The following DSCAM variants were observed in gnomAD, a reference collection of about 807,000 sequenced individuals.
DSCAM encodes DS cell adhesion molecule, also known as cell adhesion molecule DSCAM.
In DSCAM, 47 loss-of-function variants were observed where a neutral mutation model predicts 217.7. That is an observed-to-expected ratio of 0.22 (90% CI 0.17 to 0.28). The LOEUF is 0.28. Ranked by LOEUF, DSCAM falls within the 10% of genes least tolerant of loss-of-function variation. The pLI, the probability that DSCAM is intolerant of heterozygous loss-of-function variation, is 1.00. For synonymous variants in DSCAM, 1,056 were observed against 1,015.3 expected (o/e 1.04, Z -0.76); for missense variants, 2,080 against 2,618.3 (o/e 0.79, Z 4.49).
At chr21:40,450,572 T>C (rs529685578) in intron 3 of DSCAM, among the ~76,000 whole-genome samples, 4 of 152,240 alleles carry the variant, frequency 2.6e-5, no homozygotes, top group Non-Finnish European at 4.4e-5. Flanking sequence ...ATTTGATGAA[T>C]TGCCCATATT....
At chr21:40,201,693 G>A (rs564883958) in intron 11 of DSCAM, among the ~76,000 whole-genome samples, 2 of 152,162 alleles carry the variant, frequency 1.3e-5, no homozygotes, top group Admixed American at 1.3e-4. Flanking sequence ...CGCCTGCTTC[G>A]GCCTCCCAAA....
chr21:40,092,471 G>A (rs773525826), intron 21 of DSCAM, among the ~76,000 whole-genome samples: 13 of 152,144 alleles, frequency 8.5e-5, no homozygotes, highest in Non-Finnish European at 1.2e-4. Context: ...TAAATGACTG[G>A]AGGACATTGA....
At chr21:40,444,581 G>A (rs1369522838) in intron 3 of DSCAM, among the ~76,000 whole-genome samples, 1 of 152,196 alleles carries the variant, frequency 6.6e-6, no homozygotes, top group Non-Finnish European at 1.5e-5. Context: ...CATTATTGCA[G>A]TAATGGCTGA....
intron 20 of DSCAM, among the ~76,000 whole-genome samples, chr21:40,095,469 C>A (rs943263350): frequency 6.6e-6 from 1 of 152,134 alleles, no homozygotes; most frequent in African/African-American, 2.4e-5. Flanking sequence ...ATTTGTGATT[C>A]TCTTCATTTA....
intron 32 of DSCAM, among the ~76,000 whole-genome samples, chr21:40,040,352 T>C (rs1568906566): frequency 1.3e-5 from 2 of 152,138 alleles, no homozygotes; most frequent in African/African-American, 4.8e-5. Flanking sequence ...TAAGAAACAA[T>C]CCAACAATAT....
At chr21:40,138,293 CTGTGTGCGTGG>C (rs974467655) in intron 18 of DSCAM, among the ~76,000 whole-genome samples, 8 of 140,186 alleles carry the variant, frequency 5.7e-5, no homozygotes, top group African/African-American at 2.1e-4. Flanking sequence ...GTGTGTGTAC[CTGTGTGCGTGG>C]TGTGTGTGTA....
chr21:40,547,571 A>C (rs992735133), intron 3 of DSCAM, among the ~76,000 whole-genome samples: 2 of 152,142 alleles, frequency 1.3e-5, no homozygotes, highest in Admixed American at 6.5e-5. Context: ...ACAGAACGCA[A>C]AGTAGGTTTT....
chr21:40,225,453 T>C (rs2091323687), intron 11 of DSCAM, among the ~76,000 whole-genome samples: 1 of 152,232 alleles, frequency 6.6e-6, no homozygotes, highest in South Asian at 2.1e-4. Flanking sequence ...CAATTTGTAA[T>C]TTTCCCACCT....
chr21:40,506,445 A>G (rs1371139182), intron 3 of DSCAM, among the ~76,000 whole-genome samples: 1 of 152,208 alleles, frequency 6.6e-6, no homozygotes, highest in Non-Finnish European at 1.5e-5. Context: ...TGTTTTTACC[A>G]CTTATTTGCT....
At chr21:40,803,854 G>A (rs2091763502) in intron 1 of DSCAM, among the ~76,000 whole-genome samples, 1 of 152,022 alleles carries the variant, frequency 6.6e-6, no homozygotes, top group Non-Finnish European at 1.5e-5. Flanking sequence ...GAAGATTTGT[G>A]TCACAATAAA....
At chr21:40,482,936 G>A (rs576310630) in intron 3 of DSCAM, among the ~76,000 whole-genome samples, 2 of 152,164 alleles carry the variant, frequency 1.3e-5, no homozygotes, top group Non-Finnish European at 1.5e-5. Flanking sequence ...CACACAGCCC[G>A]CCTAATTGTG....
chr21:40,565,399 T>C (rs2076757056), intron 3 of DSCAM, among the ~76,000 whole-genome samples: 1 of 152,176 alleles, frequency 6.6e-6, no homozygotes, highest in Non-Finnish European at 1.5e-5. Flanking sequence ...CTCTAGCCTA[T>C]CCACAGCTTC....
At chr21:40,230,043 G>A (rs1044497460) in intron 11 of DSCAM, among the ~76,000 whole-genome samples, 3 of 152,192 alleles carry the variant, frequency 2.0e-5, no homozygotes, top group Non-Finnish European at 4.4e-5. Flanking sequence ...TAGATGCACA[G>A]TACTATTTCA....
intron 15 of DSCAM, among the ~76,000 whole-genome samples, chr21:40,168,363 G>A (rs2090619975): frequency 6.6e-6 from 1 of 152,036 alleles, no homozygotes; most frequent in Non-Finnish European, 1.5e-5. Flanking sequence ...ACTAAGAGAT[G>A]TAAAACATTT....
chr21:40,378,798 T>C (rs1486168014), intron 3 of DSCAM, among the ~76,000 whole-genome samples: 1 of 139,054 alleles, frequency 7.2e-6, no homozygotes, highest in South Asian at 2.4e-4. Flanking sequence ...TTTCACCGTG[T>C]TAGCCAGGAT....
intron 20 of DSCAM, among the ~76,000 whole-genome samples, chr21:40,101,017 C>T (rs77689355): frequency 0.021 from 3,174 of 152,296 alleles, 103 homozygotes; most frequent in African/African-American, 0.072. Context: ...AAACAGCCAA[C>T]ATTACGAAGT....
At chr21:40,846,591 G>A in intron 1 of DSCAM, 28 bp downstream of exon 1, 1 of 1,195,442 alleles carries the variant, frequency 8.4e-7, no homozygotes, top group Non-Finnish European at 1.1e-6. Context: ...ATAAGGAAAC[G>A]AAATTCATCA....
At chr21:40,493,820 G>A (rs961702182) in intron 3 of DSCAM, among the ~76,000 whole-genome samples, 4 of 146,668 alleles carry the variant, frequency 2.7e-5, no homozygotes, top group Non-Finnish European at 5.9e-5. Context: ...TCAAGATCGT[G>A]CCATTGCACT....
chr21:40,569,406 T>C (rs1330523360), intron 3 of DSCAM, among the ~76,000 whole-genome samples: 1 of 152,204 alleles, frequency 6.6e-6, no homozygotes, highest in East Asian at 1.9e-4. Context: ...AGATTGTCTT[T>C]GATCGTTTAC....
Sources: gnomAD v4.1 joint callset for allele counts (sites outside exome capture counted in the v4.1 genomes callset) on GRCh38, gnomAD v4.1.1 for gene constraint, MANE v1.5 for transcripts, NCBI Gene and HGNC (gene_info 2026-07-23, HGNC 2026-07-21) for gene names.